VPS37C: variants seen among roughly 807,000 people sequenced by gnomAD.
VPS37C encodes VPS37C subunit of ESCRT-I.
VPS37C carries 9 observed loss-of-function variants against 16.1 expected under a neutral mutation model. That is an observed-to-expected ratio of 0.56 (90% CI 0.34 to 0.97). The LOEUF (loss-of-function observed/expected upper bound fraction) is 0.97. Among genes scored for constraint, VPS37C ranks in the 50% least tolerant of loss-of-function variants. The pLI is 0.02. For missense variants in VPS37C, 479 were observed against 472.7 expected (o/e 1.01, Z -0.12); for synonymous variants, 207 against 206.4 (o/e 1.00, Z -0.02).
At chr11:61,137,819 C>T (rs1861405982) in intron 2 of VPS37C, among the ~76,000 whole-genome samples, 1 of 152,160 alleles carries the variant, frequency 6.6e-6, no homozygotes, top group Admixed American at 6.5e-5. Flanking sequence ...AGTTAAGATT[C>T]CTCACTTAGG....
chr11:61,151,164 T>A (rs372433384), intron 1 of VPS37C, among the ~76,000 whole-genome samples: 3 of 152,184 alleles, frequency 2.0e-5, no homozygotes, highest in East Asian at 1.9e-4. Context: ...TCTATCTACA[T>A]CCACAGAACA....
intron 2 of VPS37C, 154 bp downstream of exon 2, chr11:61,138,583 T>G (rs1193459621): frequency 1.5e-6 from 1 of 674,982 alleles, no homozygotes; most frequent in Non-Finnish European, 2.5e-6. Flanking sequence ...GTCTGAAGCC[T>G]CAGGGATTCC....
chr11:61,152,977 T>C (rs910104866), intron 1 of VPS37C, among the ~76,000 whole-genome samples: 1 of 152,248 alleles, frequency 6.6e-6, no homozygotes, highest in Non-Finnish European at 1.5e-5. Flanking sequence ...ACACAGCACA[T>C]AGCATTTCTT....
At chr11:61,148,549 CTTT>C (rs143759009) in intron 1 of VPS37C, among the ~76,000 whole-genome samples, 1 of 148,828 alleles carries the variant, frequency 6.7e-6, no homozygotes, top group African/African-American at 2.5e-5. Context: ...GTACCAGACT[CTTT>C]TGTTTCCTGA....
At chr11:61,142,164 A>G (rs1398484534) in intron 1 of VPS37C, among the ~76,000 whole-genome samples, 8 of 152,262 alleles carry the variant, frequency 5.3e-5, no homozygotes, top group Non-Finnish European at 1.2e-4. Flanking sequence ...AATGTTAAGG[A>G]GGACTCCAAA....
chr11:61,142,974 C>A (rs1235498994), intron 1 of VPS37C, among the ~76,000 whole-genome samples: 6 of 69,858 alleles, frequency 8.6e-5, no homozygotes, highest in East Asian at 3.3e-4. Context: ...AAAAGAATAG[C>A]TAAAAAAAAA....
intron 1 of VPS37C, among the ~76,000 whole-genome samples, chr11:61,154,070 A>T (rs1408272031): frequency 6.6e-6 from 1 of 152,238 alleles, no homozygotes; most frequent in Non-Finnish European, 1.5e-5. Context: ...AGCAGCTTTA[A>T]AGAATCAAAC....
intron 1 of VPS37C, among the ~76,000 whole-genome samples, chr11:61,157,276 T>TA (rs1419324505): frequency 6.6e-6 from 1 of 152,252 alleles, no homozygotes; most frequent in African/African-American, 2.4e-5. Flanking sequence ...TGCTAGATGA[T>TA]ATGGCAATTC....
chr11:61,140,242 C>T (rs760765262), intron 1 of VPS37C, among the ~76,000 whole-genome samples: 8 of 152,124 alleles, frequency 5.3e-5, no homozygotes, highest in Non-Finnish European at 1.2e-4. Flanking sequence ...ATGCACCCTT[C>T]TCCAGGTCTC....
rs189097635 is a variant in VPS37C at position 61,133,203 on chromosome 11, G to A, written c.348+52C>T. 3.3e-5 allele frequency: 52 copies of A among 1,590,852 alleles called. No homozygotes were observed. In the African/African-American group the frequency reaches 6.2e-4, roughly 19 times the overall value. On this transcript the variant is annotated intron_variant, in intron 4 of 4. Transcript: ENST00000301765. ...GCTTCTCCTTCCAAGGGCCCCTGCT[G>A]CAGGGACTGACACCCCGTCCAGGGA...
chr11:61,148,888 T>C (rs1030550265), intron 1 of VPS37C, among the ~76,000 whole-genome samples: 2 of 152,180 alleles, frequency 1.3e-5, no homozygotes, highest in Non-Finnish European at 2.9e-5. Context: ...CCTGTGCCAC[T>C]GCCCCCAGAT....
At chr11:61,155,103 CCAA>C (rs1565196910) in intron 1 of VPS37C, among the ~76,000 whole-genome samples, 1 of 60,582 alleles carries the variant, frequency 1.7e-5, no homozygotes, top group Admixed American at 1.6e-4. Context: ...GACTCTGTCT[CCAA>C]AAAAAAAAAA....
intron 2 of VPS37C, among the ~76,000 whole-genome samples, chr11:61,137,344 G>C (rs899968420): frequency 2.0e-5 from 3 of 152,180 alleles, no homozygotes; most frequent in African/African-American, 7.2e-5. Flanking sequence ...CCTGATCCAC[G>C]AGTGTTTTTT....
chr11:61,131,817 T>G lies in VPS37C; in HGVS notation c.*3A>C, dbSNP rs1861264695. The G allele has an allele frequency of 8.0e-7, 1 of 1,252,150 alleles. No homozygotes were observed. The highest frequency in any genetic ancestry group is 1.0e-6 in the Non-Finnish European group (1 of 994,586). The allele number at this position is 1,252,150 out of a possible 1,614,324, so 77.6% of individuals were successfully genotyped here. A position where few individuals can be genotyped will look rare whatever the true frequency, so the allele number is the denominator to read the frequency against. On this transcript the variant is annotated 3_prime_UTR_variant, in exon 5 of 5. Transcript: ENST00000301765. ...AGGGAGGGGCCGAGGGCCAGGAGTG[T>G]GTCTAATACCCAGGCCAGGCAGGCC... is the stretch of plus-strand genomic sequence containing the variant.
Position 61,150,599 on chromosome 11 carries a change from T to C in VPS37C, c.-7+10792A>G, listed in dbSNP as rs191171280. Among the ~76,000 whole-genome samples, 3 of 149,984 alleles carry C rather than the reference T, an allele frequency of 2.0e-5. No homozygotes were observed. The Admixed American group carries it at 2.0e-4, about 10-fold the overall frequency. ...ACAGAACATTTAATCCAAACCCTAC[T>C]GCACAGAACACTTCACAACACATAT... On this transcript the variant is annotated intron_variant, in intron 1 of 4. Coordinates refer to ENST00000301765, the MANE Select transcript of VPS37C (RefSeq NM_017966.5).
At chr11:61,155,769 A>T (rs1853367259) in intron 1 of VPS37C, among the ~76,000 whole-genome samples, 1 of 152,216 alleles carries the variant, frequency 6.6e-6, no homozygotes, top group African/African-American at 2.4e-5. Flanking sequence ...ACAAGATAGA[A>T]ATGTGGATCT....
At chr11:61,143,108 C>T (rs1861501950) in intron 1 of VPS37C, among the ~76,000 whole-genome samples, 1 of 151,722 alleles carries the variant, frequency 6.6e-6, no homozygotes, top group African/African-American at 2.4e-5. Context: ...AACAGAGCGG[C>T]GTGCGGAACA....
At chr11:61,142,701 T>C (rs1861491678) in intron 1 of VPS37C, among the ~76,000 whole-genome samples, 1 of 150,158 alleles carries the variant, frequency 6.7e-6, no homozygotes, top group South Asian at 2.1e-4. Context: ...AAAACTACTC[T>C]AACCTCATGG....
rs1229991956 is a variant in VPS37C at position 61,131,443 on chromosome 11, C to A, written c.*377G>T. 3.2e-5 allele frequency: 6 copies of A among 186,086 alleles called. No individual in the cohort carries two copies. Among genetic ancestry groups the A allele is most frequent in the Non-Finnish European group, 5.5e-5 (5 of 90,954 alleles). 11.5% of individuals were successfully genotyped at this position (186,086 alleles called of 1,614,324 possible). On this transcript the variant is annotated 3_prime_UTR_variant, in exon 5 of 5. Transcript: ENST00000301765. ...GGGGAGATGGAGGGGGCTGGAGACCCGGGGCCTCCTCATAGAGATAACTCT... is the reference window on the plus strand; with the variant it reads ...GGGGAGATGGAGGGGGCTGGAGACCAGGGGCCTCCTCATAGAGATAACTCT...
Sources: allele counts gnomAD v4.1 joint callset (sites outside exome capture counted in the v4.1 genomes callset), GRCh38; gene constraint gnomAD v4.1.1; transcripts MANE v1.5; gene names NCBI Gene and HGNC (gene_info 2026-07-23, HGNC 2026-07-21).